Variants in PHLPP2 observed in about 807,000 individuals in gnomAD.
PHLPP2 encodes the protein PH domain leucine-rich repeat-containing protein phosphatase 2.
PHLPP2 carries 66 observed loss-of-function variants against 124.9 expected under a neutral mutation model. The ratio of observed to expected loss-of-function variants is 0.53; its 90% CI spans 0.43 to 0.65. The LOEUF is 0.65. PHLPP2 is among the 30% of genes least tolerant of loss of function. The probability of loss-of-function intolerance (pLI) is 0.00; values close to 1 mark genes in which losing one functional copy is unlikely to be tolerated. For synonymous variants in PHLPP2, 681 were observed against 624.7 expected, an observed-to-expected ratio of 1.09 and a Z score of -1.34; for missense variants, 1,685 against 1,600.4, an observed-to-expected ratio of 1.05 and a Z score of -0.90.
chr16:71,681,620 C>CATTTTTACTTCCTCTTCA, intron 6 of PHLPP2, 131 bp downstream of exon 6: 1 of 651,656 alleles, frequency 1.5e-6, no homozygotes. Context: ...TGTGAATAAA[C>CATTTTTACTTCCTCTTCA]ATTTTTACTT....
In PHLPP2 at chr16:71,649,397, A is replaced by G. The variant is rs760118189; in HGVS notation, c.3465T>C (p.Val1155=). 3 of 1,614,046 alleles carry G rather than the reference A, an allele frequency of 1.9e-6. No individual in the cohort carries two copies. Among genetic ancestry groups the G allele is most frequent in the Non-Finnish European group, 2.5e-6 (3 of 1,179,942 alleles). The change falls in exon 19 of 19, where the codon GTT becomes GTC. Residue 1155 remains valine (V), a synonymous_variant. Transcript: ENST00000568954. The stretch of plus-strand genomic sequence containing the variant: ...TGCTGCCATTGGTTATGACCCCCTC[A>G]ACGGGCTGGTCATCATCACTGTCCA... ...NGLDSDDDQP[V]EGVITNGSKV... is the part of the protein sequence containing the mutation.
In PHLPP2 at chr16:71,667,274, A is replaced by G; in HGVS notation, c.1688T>C (p.Leu563Pro). The G allele has an allele frequency of 6.2e-7, 1 of 1,613,736 alleles. No homozygotes were observed. The highest frequency in any genetic ancestry group is 8.5e-7 in the Non-Finnish European group (1 of 1,179,764). ...GGGGATGTGCTCTACCAGTGTTGGA[A>G]GGTTTTGCACATGATTGTGTCCCAG... ...LMLGHNHVQN[L>P]PTLVEHIPLE... The change falls in exon 12 of 19, where the codon CTT (leucine) becomes CCT (proline). Residue 563 changes from leucine to proline, a missense_variant. Physicochemically the swap from Leu to Pro is moderately conservative, Grantham distance 98. Transcript: ENST00000568954.
intron 1 of PHLPP2, chr16:71,723,837 G>A (rs1213917200): frequency 5.7e-6 from 7 of 1,235,532 alleles, no homozygotes; most frequent in Non-Finnish European, 7.1e-6. Flanking sequence ...GGCTCCAGCG[G>A]GCCCGCGGGC....
At chr16:71,651,542 AAAAAT>A (rs1355858164) in intron 18 of PHLPP2, among the ~76,000 whole-genome samples, 5 of 152,290 alleles carry the variant, frequency 3.3e-5, no homozygotes, top group South Asian at 2.1e-4. Context: ...TAAAAAAAAT[AAAAAT>A]AAAATAACTA....
At chr16:71,692,200 G>C (rs1163437030) in intron 3 of PHLPP2, among the ~76,000 whole-genome samples, 1 of 152,026 alleles carries the variant, frequency 6.6e-6, no homozygotes, top group Non-Finnish European at 1.5e-5. Flanking sequence ...CTCCCGAGTA[G>C]CTGGGACTAC....
chr16:71,690,741 A>G, intron 3 of PHLPP2, 32 bp from the exon 4 acceptor site: 1 of 1,435,580 alleles, frequency 7.0e-7, no homozygotes, highest in Non-Finnish European at 9.7e-7. Context: ...AGAATCCACC[A>G]TTAAAGTAGT....
intron 3 of PHLPP2, among the ~76,000 whole-genome samples, chr16:71,691,378 G>A (rs558634729): frequency 3.3e-5 from 5 of 151,896 alleles, no homozygotes; most frequent in African/African-American, 9.7e-5. Flanking sequence ...GGAGAATGGC[G>A]TGAACCCAGA....
At chr16:71,658,128 A>T (rs2044757244) in intron 15 of PHLPP2, 105 bp downstream of exon 15, 2 of 984,378 alleles carry the variant, frequency 2.0e-6, no homozygotes, top group Non-Finnish European at 3.0e-6. Flanking sequence ...GCCTAACTTC[A>T]TTCTGTTCTT....
At chr16:71,658,840 A>G (rs111829633) in intron 13 of PHLPP2, 25 bp from the exon 14 acceptor site, 5 of 1,609,940 alleles carry the variant, frequency 3.1e-6, no homozygotes, top group African/African-American at 2.7e-5. Context: ...ACAGAATACT[A>G]TAATGCACCA....
chr16:71,713,119 TAAGAG>T (rs1328899608), intron 2 of PHLPP2, among the ~76,000 whole-genome samples: 8 of 152,172 alleles, frequency 5.3e-5, no homozygotes, highest in Non-Finnish European at 8.8e-5. Context: ...ATATGCTCAT[TAAGAG>T]AAATGAAAAT....
intron 2 of PHLPP2, among the ~76,000 whole-genome samples, chr16:71,708,349 G>A (rs1054288534): frequency 1.3e-5 from 2 of 152,104 alleles, no homozygotes; most frequent in African/African-American, 4.8e-5. Context: ...TGGACAATGA[G>A]TCTCAGAAGC....
chr16:71,658,799 C>T lies in PHLPP2; in HGVS notation c.2002G>A (p.Glu668Lys). The change falls in exon 14 of 19, where the codon GAG becomes AAG. Residue 668 changes from glutamate to lysine, a missense_variant. Glu to Lys is a moderately conservative substitution (Grantham distance 56). Coordinates refer to ENST00000568954, the MANE Select transcript of PHLPP2 (RefSeq NM_015020.3). ...CTTAGGTTCAGTTCCTCCAATTGCT[C>T]CAATTTATTTAGTTTGCTGAAAAAG... is the stretch of plus-strand genomic sequence containing the variant. ...TFPASKLNKL[E>K]QLEELNLSGN... The T allele has an allele frequency of 6.2e-7, 1 of 1,613,998 alleles. No individual in the cohort carries two copies. The highest frequency in any genetic ancestry group is 1.3e-5 in the African/African-American group (1 of 74,998).
At chr16:71,708,593 C>G (rs896210789) in intron 2 of PHLPP2, among the ~76,000 whole-genome samples, 1 of 152,324 alleles carries the variant, frequency 6.6e-6, no homozygotes, top group Middle Eastern at 3.4e-3. Flanking sequence ...CAAGACCATC[C>G]TGGCCAACAT....
intron 16 of PHLPP2, among the ~76,000 whole-genome samples, chr16:71,656,252 A>G (rs1218817185): frequency 1.3e-5 from 2 of 152,186 alleles, no homozygotes; most frequent in Admixed American, 6.6e-5. Context: ...AAGTGAGGCC[A>G]TTCTATTGCT....
intron 4 of PHLPP2, among the ~76,000 whole-genome samples, chr16:71,685,112 G>A (rs184996664): frequency 0.016 from 2,370 of 152,286 alleles, 30 homozygotes; most frequent in Non-Finnish European, 0.024. Flanking sequence ...CGGATCACGA[G>A]GTCAGGAGTT....
chr16:71,714,688 A>G lies in PHLPP2; in HGVS notation c.108T>C (p.Tyr36=), dbSNP rs1326486659. The G allele has an allele frequency of 1.2e-6, 2 of 1,613,728 alleles. No individual in the cohort carries two copies. The highest frequency in any genetic ancestry group is 2.7e-5 in the African/African-American group (2 of 74,920). ...TAGTGGCAGTGGTAGTGTCTGCTCC[A>G]TAAAGGTAAACACAGCCTCTCTTTA... ...EDVKRGCVYL[Y]GADTTTATTT... Residue 36 remains tyrosine, a synonymous_variant, in exon 2 of 19, where the codon TAT becomes TAC. Transcript: ENST00000568954.
chr16:71,657,800 G>A (rs2044754835), intron 15 of PHLPP2, among the ~76,000 whole-genome samples: 1 of 152,218 alleles, frequency 6.6e-6, no homozygotes, highest in Non-Finnish European at 1.5e-5. Flanking sequence ...GGAGGGGAGA[G>A]AAAGGAAAGG....
At chr16:71,703,157 A>G (rs1341911389) in intron 2 of PHLPP2, among the ~76,000 whole-genome samples, 3 of 152,110 alleles carry the variant, frequency 2.0e-5, no homozygotes, top group African/African-American at 7.2e-5. Context: ...AACATACAAA[A>G]TCTGCTCTTG....
intron 15 of PHLPP2, among the ~76,000 whole-genome samples, chr16:71,657,171 G>C (rs1362231751): frequency 1.3e-5 from 2 of 151,926 alleles, no homozygotes; most frequent in Non-Finnish European, 2.9e-5. Context: ...TCGAACTCCT[G>C]ACCTCAAGTG....
Sources: allele counts gnomAD v4.1 joint callset (sites outside exome capture counted in the v4.1 genomes callset), GRCh38; gene constraint gnomAD v4.1.1; transcripts MANE v1.5; gene names NCBI Gene and HGNC (gene_info 2026-07-23, HGNC 2026-07-21).